The following ZFYVE16 variants were observed in gnomAD, a reference collection of about 807,000 sequenced individuals.
The protein encoded by ZFYVE16 is zinc finger FYVE domain-containing protein 16.
ZFYVE16 carries 89 observed loss-of-function variants against 138.1 expected under a neutral mutation model. That is an observed-to-expected ratio of 0.64 (90% CI 0.54 to 0.77). The LOEUF is 0.77. ZFYVE16 is among the 30% of genes least tolerant of loss of function. ZFYVE16 has a pLI of 0.00. For missense variants in ZFYVE16, 1,793 were observed against 1,786.7 expected (o/e 1.00, Z -0.06); for synonymous variants, 596 against 618.3 (o/e 0.96, Z 0.53).
chr5:80,475,205 C>G (rs1178212087), intron 18 of ZFYVE16, among the ~76,000 whole-genome samples: 1 of 152,196 alleles, frequency 6.6e-6, no homozygotes, highest in Non-Finnish European at 1.5e-5. Context: ...TTGATGAACC[C>G]TTCTCCATGA....
intron 5 of ZFYVE16, chr5:80,440,657 G>GTGTGTGT (rs749606878): frequency 2.7e-6 from 2 of 749,614 alleles, no homozygotes; most frequent in African/African-American, 4.4e-5. Flanking sequence ...AGTTCTCACA[G>GTGTGTGT]GTGTGTGTGT....
upstream of ZFYVE16, among the ~76,000 whole-genome samples, chr5:80,407,680 A>G (rs895685733): frequency 2.0e-5 from 3 of 152,256 alleles, no homozygotes; most frequent in African/African-American, 7.2e-5. Flanking sequence ...TCTGTCCAGT[A>G]GAGACCGGAA....
rs531845167 is a variant in ZFYVE16 at position 80,438,568 on chromosome 5, C to G, written c.1883C>G (p.Ser628Cys). The change falls in exon 4 of 19, where the codon TCT becomes TGT. Residue 628 changes from serine (S) to cysteine (C), a missense_variant. By Grantham distance (112) the Ser-to-Cys change is moderately radical. Transcript: ENST00000505560. ...PVQQGLPTSK[S>C]EITNQLSVSD... is the part of the protein sequence containing the mutation. ...CAACAAGGGTTACCTACCAGTAAGTCTGAGATTACAAATCAATTATCGGTC... is the reference window on the plus strand; with the variant it reads ...CAACAAGGGTTACCTACCAGTAAGTGTGAGATTACAAATCAATTATCGGTC... 12 of 1,614,084 alleles carry G rather than the reference C, an allele frequency of 7.4e-6. No homozygotes were observed. The South Asian group carries it at 1.3e-4, about 18-fold the overall frequency.
At chr5:80,469,366 G>C (rs1369654287) in intron 15 of ZFYVE16, among the ~76,000 whole-genome samples, 2 of 151,170 alleles carry the variant, frequency 1.3e-5, no homozygotes, top group Non-Finnish European at 2.9e-5. Context: ...CTCAGCCTCT[G>C]AGTAGTTGGG....
intron 6 of ZFYVE16, among the ~76,000 whole-genome samples, chr5:80,443,558 G>C (rs1750960839): frequency 6.6e-6 from 1 of 152,216 alleles, no homozygotes; most frequent in Non-Finnish European, 1.5e-5. Flanking sequence ...AGGAGCACCA[G>C]GAGGTGCTTG....
At chr5:80,445,114 G>A (rs1751151953) in intron 6 of ZFYVE16, 149 bp from the exon 7 acceptor site, 3 of 763,542 alleles carry the variant, frequency 3.9e-6, no homozygotes, top group Non-Finnish European at 6.1e-6. Context: ...AATCACAAAA[G>A]GCCATTTCTC....
intron 15 of ZFYVE16, among the ~76,000 whole-genome samples, chr5:80,470,419 A>G (rs1021933542): frequency 3.9e-5 from 6 of 152,228 alleles, no homozygotes; most frequent in Non-Finnish European, 5.9e-5. Flanking sequence ...TATATTTATT[A>G]TAGCTGTTTT....
chr5:80,428,450 A>G (rs1748471857), intron 2 of ZFYVE16, among the ~76,000 whole-genome samples: 1 of 152,204 alleles, frequency 6.6e-6, no homozygotes, highest in Non-Finnish European at 1.5e-5. Flanking sequence ...CCAAAACCCC[A>G]TCTATACGTC....
intron 1 of ZFYVE16, among the ~76,000 whole-genome samples, chr5:80,410,857 C>T (rs1037633658): frequency 6.6e-6 from 1 of 150,742 alleles, no homozygotes; most frequent in Admixed American, 6.6e-5. Context: ...TACGAGCCAC[C>T]TCACCCGACC....
rs1327173079 is a variant in ZFYVE16, at chr5:80,470,099, G to GTGTA, written c.4025-2661_4025-2660insGTAT. Among the ~76,000 whole-genome samples the GTGTA allele has an allele frequency of 6.8e-4, 82 of 121,180 alleles. 1 individual carries two copies. Among genetic ancestry groups the GTGTA allele is most frequent in the African/African-American group, 2.7e-3 (81 of 29,488 alleles). The allele number at this position is 121,180 out of a possible 152,430, so 79.5% of individuals were successfully genotyped here. A position where few individuals can be genotyped will look rare whatever the true frequency, so the allele number is the denominator to read the frequency against. ...TGTGTGTGTGTGTGTGTGTGTGTGT[G>GTGTA]TATTTTTTTTTTTTTTTTTTGAGAC... On this transcript the variant is annotated intron_variant, in intron 15 of 18. Transcript: ENST00000505560.
At chr5:80,418,280 T>A (rs1746551787) in intron 1 of ZFYVE16, among the ~76,000 whole-genome samples, 1 of 146,184 alleles carries the variant, frequency 6.8e-6, no homozygotes, top group African/African-American at 2.5e-5. Flanking sequence ...CTCTTTCTTT[T>A]CCCTTCCCCT....
chr5:80,477,107 TTTTA>T lies in ZFYVE16; in HGVS notation c.4462-107_4462-104del, dbSNP rs1355209214. 2.7e-4 allele frequency: 230 copies of T among 862,568 alleles called. 2 individuals carry two copies. Among genetic ancestry groups the T allele is most frequent in the Admixed American group, 3.7e-5 (1 of 27,078 alleles). 53.4% of individuals were successfully genotyped at this position (862,568 alleles called of 1,614,324 possible). A position where few individuals can be genotyped will look rare whatever the true frequency, so the allele number is the denominator to read the frequency against. ...AATTTTTTTATAAATATATCAAATATTTTATTTAACATGCTTGAACTGTATTTTA... is the reference window on the plus strand; with the variant it reads ...AATTTTTTTATAAATATATCAAATATTTTAACATGCTTGAACTGTATTTTA... On this transcript the variant is annotated intron_variant, in intron 18 of 18. Transcript: ENST00000505560.
upstream of ZFYVE16, among the ~76,000 whole-genome samples, chr5:80,407,715 T>A (rs115545606): frequency 6.6e-6 from 1 of 152,192 alleles, no homozygotes; most frequent in East Asian, 1.9e-4. Flanking sequence ...AGCAAAGGGC[T>A]AAGGCTGGAG....
At chr5:80,407,937 G>A (rs189628094), upstream of ZFYVE16, 359 of 152,464 alleles carry the variant, frequency 2.4e-3, 2 homozygotes, top group African/African-American at 8.5e-3. Context: ...CAAGCGCCCC[G>A]GGCCTGGAGA....
At chr5:80,463,887 G>C (rs891104140) in intron 15 of ZFYVE16, among the ~76,000 whole-genome samples, 1 of 152,162 alleles carries the variant, frequency 6.6e-6, no homozygotes, top group Non-Finnish European at 1.5e-5. Flanking sequence ...AATTCTGCCA[G>C]TCTCTTTGCC....
intron 1 of ZFYVE16, among the ~76,000 whole-genome samples, chr5:80,415,161 CTTTAT>C (rs1457366189): frequency 7.2e-5 from 11 of 152,162 alleles, no homozygotes; most frequent in Admixed American, 3.3e-4. Flanking sequence ...ATTTTCTCAA[CTTTAT>C]TTTATAACAC....
In ZFYVE16 at chr5:80,477,497, C is replaced by T. The variant is rs1447300965; in HGVS notation, c.*120C>T. ...ATGTCTGATTTTTGAAACACATAAG[C>T]TTTGCTCTTTAGGCAGGAATGATCT... On this transcript the variant is annotated 3_prime_UTR_variant, in exon 19 of 19. Transcript: ENST00000505560. The T allele has an allele frequency of 3.3e-6, 3 of 909,256 alleles. No homozygotes were observed. Among genetic ancestry groups the T allele is most frequent in the Non-Finnish European group, 4.6e-6 (3 of 653,934 alleles). 56.3% of individuals were successfully genotyped at this position (909,256 alleles called of 1,614,324 possible).
At chr5:80,475,564 T>G (rs1329298686) in intron 18 of ZFYVE16, among the ~76,000 whole-genome samples, 1 of 152,246 alleles carries the variant, frequency 6.6e-6, no homozygotes, top group Non-Finnish European at 1.5e-5. Context: ...TTCTTTGTGA[T>G]TTTATGCATC....
At chr5:80,417,608 G>A (rs944880970) in intron 1 of ZFYVE16, among the ~76,000 whole-genome samples, 8 of 152,042 alleles carry the variant, frequency 5.3e-5, no homozygotes, top group African/African-American at 9.7e-5. Flanking sequence ...CTTTCACTTG[G>A]CAGTATACAG....
Sources: gnomAD v4.1 joint callset for allele counts (sites outside exome capture counted in the v4.1 genomes callset) on GRCh38, gnomAD v4.1.1 for gene constraint, MANE v1.5 for transcripts, NCBI Gene and HGNC (gene_info 2026-07-23, HGNC 2026-07-21) for gene names.